Variants in METTL15 observed in about 807,000 individuals in gnomAD.
METTL15 encodes 12S rRNA N(4)-cytidine methyltransferase METTL15.
Under a neutral mutation model 38.3 loss-of-function variants are expected in METTL15, and 34 were observed. The ratio of observed to expected loss-of-function variants is 0.89; its 90% CI spans 0.68 to 1.18. The LOEUF (loss-of-function observed/expected upper bound fraction) is 1.18, where lower values mean the gene tolerates loss of function less well. Among genes scored for constraint, METTL15 ranks in the 50% most tolerant of loss-of-function variants. The pLI is 0.00. For synonymous variants in METTL15, 162 were observed against 170.9 expected (o/e 0.95, Z 0.41); for missense variants, 438 against 498.4 (o/e 0.88, Z 1.15).
intron 4 of METTL15, among the ~76,000 whole-genome samples, chr11:28,278,451 C>G (rs1025028261): frequency 3.3e-5 from 5 of 151,998 alleles, no homozygotes; most frequent in Non-Finnish European, 5.9e-5. Context: ...TGTGAGGGCC[C>G]AAGATTAATG....
At chr11:28,169,236 A>T (rs1001620350) in intron 3 of METTL15, among the ~76,000 whole-genome samples, 101 of 152,268 alleles carry the variant, frequency 6.6e-4, no homozygotes, top group African/African-American at 2.3e-3. Context: ...TATTCAAAAA[A>T]CTAGATAGGG....
intron 6 of METTL15, among the ~76,000 whole-genome samples, chr11:28,507,674 A>G (rs540606340): frequency 2.0e-4 from 31 of 152,114 alleles, no homozygotes. Context: ...TGGGACCCTA[A>G]TTTTTTCAGA....
At chr11:28,220,154 A>G (rs980517864) in intron 4 of METTL15, among the ~76,000 whole-genome samples, 32 of 152,146 alleles carry the variant, frequency 2.1e-4, no homozygotes, top group Admixed American at 9.2e-4. Context: ...TAATGTTGAC[A>G]GTGGGGTGTT....
chr11:28,198,249 T>G (rs998585363), intron 3 of METTL15, among the ~76,000 whole-genome samples: 10 of 152,098 alleles, frequency 6.6e-5, no homozygotes, highest in Admixed American at 1.3e-4. Context: ...CCGTTCTATC[T>G]GTAAATAGAT....
intron 4 of METTL15, among the ~76,000 whole-genome samples, chr11:28,271,957 GA>G (rs1361663141): frequency 1.3e-5 from 2 of 151,978 alleles, no homozygotes; most frequent in African/African-American, 4.8e-5. Flanking sequence ...CAACAAACAT[GA>G]AAAAAAGGTT....
chr11:28,352,887 G>T (rs1756955713), intron 4 of METTL15, among the ~76,000 whole-genome samples: 1 of 152,144 alleles, frequency 6.6e-6, no homozygotes, highest in South Asian at 2.1e-4. Context: ...TATATTCATA[G>T]AACAATGGCC....
At chr11:28,327,366 A>G (rs1176790220) in intron 6 of METTL15, among the ~76,000 whole-genome samples, 1 of 152,256 alleles carries the variant, frequency 6.6e-6, no homozygotes, top group Non-Finnish European at 1.5e-5. Flanking sequence ...GAAAGCTCTT[A>G]TATCCATTCT....
At chr11:28,466,185 TCTG>T (rs1420132094) in intron 6 of METTL15, among the ~76,000 whole-genome samples, 1 of 152,154 alleles carries the variant, frequency 6.6e-6, no homozygotes, top group African/African-American at 2.4e-5. Context: ...CCTGAATCAA[TCTG>T]CTGTGATTAG....
At chr11:28,412,880 G>C (rs576009948) in intron 5 of METTL15, among the ~76,000 whole-genome samples, 18 of 152,004 alleles carry the variant, frequency 1.2e-4, no homozygotes, top group Middle Eastern at 3.4e-3. Context: ...TGTTAAATGA[G>C]TAAATTTTAA....
At chr11:28,411,012 C>G (rs1850719717) in intron 5 of METTL15, among the ~76,000 whole-genome samples, 1 of 151,832 alleles carries the variant, frequency 6.6e-6, no homozygotes, top group African/African-American at 2.4e-5. Context: ...TTTACAATAG[C>G]TTCAAAAAAT....
In METTL15 at chr11:28,331,802, G is replaced by C. The variant is rs1271053229; in HGVS notation, c.*961G>C. The C allele has an allele frequency of 2.0e-5, 3 of 152,198 alleles. No homozygotes were observed. Among genetic ancestry groups the C allele is most frequent in the African/African-American group, 7.2e-5 (3 of 41,456 alleles). 9.4% of individuals were successfully genotyped at this position (152,198 alleles called of 1,614,324 possible). A position where few individuals can be genotyped will look rare whatever the true frequency, so the allele number is the denominator to read the frequency against. ...ATAATTCACATGTCAATTTTTTATA[G>C]TAATATGTACTTCTAATTTATTATT... is the stretch of plus-strand genomic sequence containing the variant. On this transcript the variant is annotated 3_prime_UTR_variant, in exon 7 of 7. Coordinates refer to ENST00000407364, the MANE Select transcript of METTL15 (RefSeq NM_001113528.2).
At chr11:28,254,926 C>G (rs1328408413) in intron 4 of METTL15, among the ~76,000 whole-genome samples, 2 of 152,002 alleles carry the variant, frequency 1.3e-5, no homozygotes, top group African/African-American at 4.8e-5. Context: ...TCTTTTTGCT[C>G]AGGATAGCCT....
rs1462756906 is a variant in METTL15, at chr11:28,368,787, A to G, written c.*358+6751A>G. 2.0e-5 allele frequency among the ~76,000 whole-genome samples: 3 copies of G among 152,188 alleles called. No individual in the cohort carries two copies. The East Asian group carries it at 5.8e-4, about 29-fold the overall frequency. Reference sequence around the variant, plus strand: ...ATCAATAATAGACTGGATAAAGAAAATGTGGCATGTATACACCATGGAATA... The same window carrying G: ...ATCAATAATAGACTGGATAAAGAAAGTGTGGCATGTATACACCATGGAATA... On this transcript the variant is annotated intron_variant and NMD_transcript_variant, in intron 5 of 7. Transcript: ENST00000532947.
chr11:28,133,915 A>T (rs998886917), intron 3 of METTL15, among the ~76,000 whole-genome samples: 1 of 152,200 alleles, frequency 6.6e-6, no homozygotes, highest in Non-Finnish European at 1.5e-5. Context: ...TTTATGCAGG[A>T]TACAGAAGTA....
At chr11:28,309,000 G>A (rs566334395) in intron 6 of METTL15, among the ~76,000 whole-genome samples, 2 of 152,212 alleles carry the variant, frequency 1.3e-5, no homozygotes, top group South Asian at 2.1e-4. Context: ...TAGATTGATC[G>A]TAGGTAGATC....
chr11:28,146,504 C>T (rs1849891464), intron 3 of METTL15, among the ~76,000 whole-genome samples: 1 of 152,000 alleles, frequency 6.6e-6, no homozygotes, highest in African/African-American at 2.4e-5. Context: ...TGTTCTGCTT[C>T]ATAGATTTTT....
chr11:28,421,735 A>G (rs1564926702), intron 5 of METTL15, among the ~76,000 whole-genome samples: 1 of 152,014 alleles, frequency 6.6e-6, no homozygotes, highest in South Asian at 2.1e-4. Context: ...TAGTATCACA[A>G]CAAATGGGAA....
intron 6 of METTL15, among the ~76,000 whole-genome samples, chr11:28,425,352 T>A (rs1340922206): frequency 6.6e-6 from 1 of 152,206 alleles, no homozygotes; most frequent in African/African-American, 2.4e-5. Context: ...TCCAGACTCC[T>A]GAATGTCACC....
At chr11:28,353,857 G>A (rs1478169034) in intron 4 of METTL15, among the ~76,000 whole-genome samples, 5 of 150,914 alleles carry the variant, frequency 3.3e-5, no homozygotes, top group African/African-American at 7.3e-5. Context: ...CCCGGGAAGC[G>A]GAGCTTGCAG....
Sources: allele counts gnomAD v4.1 joint callset (sites outside exome capture counted in the v4.1 genomes callset), GRCh38; gene constraint gnomAD v4.1.1; transcripts MANE v1.5; gene names NCBI Gene and HGNC (gene_info 2026-07-23, HGNC 2026-07-21).